Variants in CDHR1 observed in about 807,000 individuals in gnomAD.
CDHR1 encodes the protein cadherin-related family member 1.
A neutral mutation model predicts 72.1 loss-of-function variants in CDHR1; 61 were observed. The observed-to-expected ratio is 0.85, with a 90% CI of 0.69 to 1.05. CDHR1 has a LOEUF of 1.05. Ranked by LOEUF, CDHR1 falls within the 50% of genes least tolerant of loss-of-function variation. The pLI is 0.00. For synonymous variants in CDHR1, 470 were observed against 448.1 expected (o/e 1.05, Z -0.62); for missense variants, 1,186 against 1,115.7 (o/e 1.06, Z -0.90).
chr10:84,201,151 A>G (rs1189691623), intron 6 of CDHR1, among the ~76,000 whole-genome samples: 1 of 152,216 alleles, frequency 6.6e-6, no homozygotes, highest in Non-Finnish European at 1.5e-5. Flanking sequence ...CGCGTTATCT[A>G]ACTTTCCCAG....
rs138670791 is a variant in CDHR1 at position 84,203,113 on chromosome 10, A to G, written c.773A>G (p.Asp258Gly). The G allele has an allele frequency of 3.1e-6, 5 of 1,613,950 alleles. No individual in the cohort carries two copies. The highest frequency in any genetic ancestry group is 4.2e-6 in the Non-Finnish European group (5 of 1,180,010). ...GTPYYGYVYE[D>G]TLPGSEVLKV... ...CCCTACTATGGCTATGTGTACGAGG[A>G]CACCCTTCCGGTGGGTGGCTGTCCC... is the stretch of plus-strand genomic sequence containing the variant. The change falls in exon 8 of 17, where the codon GAC becomes GGC. Residue 258 changes from aspartate (D) to glycine (G), a missense_variant. Coordinates refer to ENST00000623527, the MANE Select transcript of CDHR1 (RefSeq NM_033100.4).
rs1433092790 is a variant in CDHR1, at chr10:84,211,648, GCT to G, written c.1487_1488del (p.Ala496GlyfsTer39). The G allele has an allele frequency of 1.2e-6, 2 of 1,614,086 alleles. No individual in the cohort carries two copies. The highest frequency in any genetic ancestry group is 2.2e-5 in the South Asian group (2 of 91,084). ...CCACCCAGGGCTCTTTCTCTTCCAGGCTGTGGATCCAGATACAGGACCCTGGG... is the reference window on the plus strand; with the variant it reads ...CCACCCAGGGCTCTTTCTCTTCCAGGGTGGATCCAGATACAGGACCCTGGG... ...PGGSSVVAVT[A>X]VDPDTGPWGE... On this transcript the variant is annotated frameshift_variant and splice_region_variant, in exon 14 of 17. Transcript: ENST00000623527. LOFTEE classifies it high-confidence loss of function.
At chr10:84,211,763 A>C in intron 14 of CDHR1, 48 bp downstream of exon 14, 2 of 1,527,272 alleles carry the variant, frequency 1.3e-6, no homozygotes, top group Non-Finnish European at 1.8e-6. Context: ...AGGGGATTGG[A>C]AGGCTGAGGG....
In CDHR1 at chr10:84,195,353, C is replaced by A. The variant is rs941227105; in HGVS notation, c.56-141C>A. The A allele has an allele frequency of 8.0e-5, 63 of 790,090 alleles. No homozygotes were observed. The African/African-American group carries it at 8.5e-4, about 11-fold the overall frequency. The allele number at this position is 790,090 out of a possible 1,614,324, so 48.9% of individuals were successfully genotyped here. ...TGGGCGGCGCCCCAGTGGGGTCCCT[C>A]GGTGCACTTGGGTTGGGGAGGCGGA... On this transcript the variant is annotated intron_variant, in intron 1 of 16. Transcript: ENST00000623527.
intron 6 of CDHR1, among the ~76,000 whole-genome samples, chr10:84,201,143 C>T (rs74145716): frequency 0.027 from 4,170 of 152,316 alleles, 177 homozygotes; most frequent in African/African-American, 0.093. Context: ...ACCTTCAGCG[C>T]GTTATCTAAC....
chr10:84,200,734 A>C, intron 6 of CDHR1, 47 bp downstream of exon 6: 4 of 1,363,018 alleles, frequency 2.9e-6, no homozygotes, highest in Non-Finnish European at 4.1e-6. Flanking sequence ...GCCGGAGGGG[A>C]CACCTAGATG....
intron 16 of CDHR1, 142 bp from the exon 17 acceptor site, chr10:84,213,940 C>A: frequency 9.3e-7 from 1 of 1,075,586 alleles, no homozygotes; most frequent in Non-Finnish European, 1.4e-6. Flanking sequence ...GGACAAAAGC[C>A]CATAGTGCCT....
intron 3 of CDHR1, 78 bp from the exon 4 acceptor site, chr10:84,197,708 G>A: frequency 1.4e-5 from 19 of 1,345,308 alleles, no homozygotes; most frequent in Non-Finnish European, 2.0e-5. Flanking sequence ...GCGTGGGGCA[G>A]GGAGAGCTCC....
Position 84,217,254 on chromosome 10 carries a change from G to A in CDHR1, c.*2633G>A. Reference sequence around the variant, plus strand: ...GAGCTCCAGGCTGGCACCATGGTAGGCCTCCAGGGAAAGAGCTGGGAGGCA... The same window carrying A: ...GAGCTCCAGGCTGGCACCATGGTAGACCTCCAGGGAAAGAGCTGGGAGGCA... On this transcript the variant is annotated 3_prime_UTR_variant, in exon 17 of 17. Transcript: ENST00000623527. 2.0e-6 allele frequency: 2 copies of A among 985,542 alleles called. No homozygotes were observed. The highest frequency in any genetic ancestry group is 2.4e-6 in the Non-Finnish European group (2 of 830,006). 61.0% of individuals were successfully genotyped at this position (985,542 alleles called of 1,614,324 possible). A position where few individuals can be genotyped will look rare whatever the true frequency, so the allele number is the denominator to read the frequency against.
chr10:84,208,999 T>G, intron 12 of CDHR1, 118 bp downstream of exon 12: 1 of 1,146,648 alleles, frequency 8.7e-7, no homozygotes, highest in Non-Finnish European at 1.3e-6. Flanking sequence ...GCCCTACTCT[T>G]TTCTTCTCCA....
chr10:84,198,696 G>A (rs898073748), intron 4 of CDHR1, among the ~76,000 whole-genome samples: 5 of 152,186 alleles, frequency 3.3e-5, no homozygotes, highest in South Asian at 2.1e-4. Context: ...CAGGGGCCCC[G>A]CCCTCAGTGC....
At position 84,196,506 on chromosome 10, in the gene CDHR1, C is replaced by A. The variant is rs749414628; in HGVS notation, c.153C>A (p.Gly51=). 2 of 1,614,202 alleles carry A rather than the reference C, an allele frequency of 1.2e-6. No homozygotes were observed. The highest frequency in any genetic ancestry group is 1.1e-5 in the South Asian group (1 of 91,080). ...TCTCTCCACTGTGTTTCCTTCCAGG[C>A]TCTCACGTATACACCCTGAATGGGA... ...LFSLPEDTPV[G]SHVYTLNGTD... The change falls in exon 3 of 17, where the codon GGC becomes GGA. Residue 51 remains glycine, a splice_region_variant and synonymous_variant. Transcript: ENST00000623527.
chr10:84,196,591 G>GT lies in CDHR1; in HGVS notation c.239dup (p.Phe81LeufsTer4). On this transcript the variant is annotated frameshift_variant, in exon 3 of 17. Coordinates refer to ENST00000623527, the MANE Select transcript of CDHR1 (RefSeq NM_033100.4). LOFTEE classifies it high-confidence loss of function. ...CAGCTTTGACCCCAGCACTAGAAGCGTCTTTTCTGTTGACCCCACTTTTGG... is the reference window on the plus strand; with the variant it reads ...CAGCTTTGACCCCAGCACTAGAAGCGTTCTTTTCTGTTGACCCCACTTTTGG... 1.9e-6 allele frequency: 3 copies of GT among 1,614,196 alleles called. No individual in the cohort carries two copies. Among genetic ancestry groups the GT allele is most frequent in the Non-Finnish European group, 2.5e-6 (3 of 1,180,034 alleles).
At chr10:84,213,016 T>C (rs1564665255) in intron 15 of CDHR1, 75 bp from the exon 16 acceptor site, 1 of 1,578,184 alleles carries the variant, frequency 6.3e-7, no homozygotes, top group East Asian at 2.2e-5. Context: ...AAGCCCCATA[T>C]GACGTGCTGA....
At chr10:84,201,978 A>G (rs986973475) in intron 7 of CDHR1, 58 bp downstream of exon 7, 3 of 1,355,070 alleles carry the variant, frequency 2.2e-6, no homozygotes, top group South Asian at 1.2e-5. Context: ...GTTGGAACCA[A>G]GTTAGGTTCT....
At position 84,217,318 on chromosome 10, in the gene CDHR1, T is replaced by C. The variant is rs1842441303; in HGVS notation, c.*2697T>C. 1 of 985,462 alleles carries C rather than the reference T, an allele frequency of 1.0e-6. No homozygotes were observed. The highest frequency in any genetic ancestry group is 4.7e-5 in the South Asian group (1 of 21,286). 61.0% of individuals were successfully genotyped at this position (985,462 alleles called of 1,614,324 possible). A position where few individuals can be genotyped will look rare whatever the true frequency, so the allele number is the denominator to read the frequency against. The stretch of plus-strand genomic sequence containing the variant: ...GGGCAGGCTTGCCCATTCCTGGCCC[T>C]GAGAATGGAGCTGTAGCCTCATGGA... On this transcript the variant is annotated 3_prime_UTR_variant, in exon 17 of 17. Transcript: ENST00000623527.
At chr10:84,209,469 A>C (rs1313252497) in intron 12 of CDHR1, among the ~76,000 whole-genome samples, 2 of 152,180 alleles carry the variant, frequency 1.3e-5, no homozygotes, top group African/African-American at 4.8e-5. Flanking sequence ...TGAAATTAGG[A>C]ACAAAGCATG....
chr10:84,215,304 C>T lies in CDHR1; in HGVS notation c.*683C>T. On this transcript the variant is annotated 3_prime_UTR_variant, in exon 17 of 17. Transcript: ENST00000623527. ...CACAGAGGTGGAAGATTGATCTTGC[C>T]AAGAGTGAGGGCAGATGTCTCCAGC... 1 of 987,386 alleles carries T rather than the reference C, an allele frequency of 1.0e-6. No individual in the cohort carries two copies. The highest frequency in any genetic ancestry group is 1.2e-6 in the Non-Finnish European group (1 of 831,290). 61.2% of individuals were successfully genotyped at this position (987,386 alleles called of 1,614,324 possible). A position where few individuals can be genotyped will look rare whatever the true frequency, so the allele number is the denominator to read the frequency against.
chr10:84,195,741 G>C, intron 2 of CDHR1, 152 bp downstream of exon 2: 1 of 730,488 alleles, frequency 1.4e-6, no homozygotes, highest in Middle Eastern at 3.2e-4. Flanking sequence ...TGGCAGGAAA[G>C]AAGGTCATTG....
Sources: gnomAD v4.1 joint callset for allele counts (sites outside exome capture counted in the v4.1 genomes callset) on GRCh38, gnomAD v4.1.1 for gene constraint, MANE v1.5 for transcripts, NCBI Gene and HGNC (gene_info 2026-07-23, HGNC 2026-07-21) for gene names.